H2BC12: variants seen among roughly 807,000 people sequenced by gnomAD.
The protein encoded by H2BC12 is histone H2B type 1-K.
In H2BC12, 6 loss-of-function variants were observed where a neutral mutation model predicts 6.3. The observed-to-expected ratio is 0.95, with a 90% CI of 0.52 to 1.87. The LOEUF (loss-of-function observed/expected upper bound fraction) is 1.87, where lower values mean the gene tolerates loss of function less well. Among genes scored for constraint, H2BC12 ranks in the 40% most tolerant of loss-of-function variants. H2BC12 has a pLI of 0.01. For missense variants in H2BC12, 119 were observed against 178.4 expected (o/e 0.67, Z 1.90); for synonymous variants, 132 against 78.5 (o/e 1.68, Z -3.60).
chr6:27,141,051 A>G, the H2BC12 span, among the ~76,000 whole-genome samples: 33 of 133,208 alleles, frequency 2.5e-4, no homozygotes, highest in East Asian at 6.1e-4. Context: ...AATCTGGGGG[A>G]AAAAAAAAAA....
At chr6:27,145,155 G>A (rs556213362), downstream of H2BC12, among the ~76,000 whole-genome samples, 18 of 152,236 alleles carry the variant, frequency 1.2e-4, no homozygotes, top group Middle Eastern at 3.4e-3. Context: ...ATTACTGGTA[G>A]GATAAATAAG....
chr6:27,146,732 G>A lies in H2BC12; in HGVS notation c.67C>T (p.Gln23Ter), dbSNP rs758848454. 7 of 1,614,142 alleles carry A rather than the reference G, an allele frequency of 4.3e-6. No homozygotes were observed. The highest frequency in any genetic ancestry group is 2.2e-5 in the East Asian group (1 of 44,904). ...TTGCGCTTCTTGCCGTCCTTCTTCT[G>A]CGCCTTAGTCACGGCTTTCTTCGAG... is the stretch of plus-strand genomic sequence containing the variant. The part of the protein sequence containing the change: ...KGSKKAVTKA[Q>*]KKDGKKRKRS... The change falls in exon 1 of 1, where the codon CAG becomes TAG. Residue 23 changes from glutamine (Q) to a stop codon, truncating the protein, a stop_gained. Coordinates refer to ENST00000356950, the MANE Select transcript of H2BC12 (RefSeq NM_001312653.2). LOFTEE classifies it high-confidence loss of function.
downstream of H2BC12, among the ~76,000 whole-genome samples, chr6:27,145,513 A>AT (rs2113651061): frequency 6.6e-6 from 1 of 152,184 alleles, no homozygotes; most frequent in African/African-American, 2.4e-5. Context: ...CCACCACCTA[A>AT]TTCTAACCCA....
At chr6:27,139,391 A>AGGG in the H2BC12 span, 1 of 1,614,238 alleles carries the variant, frequency 6.2e-7, no homozygotes, top group Non-Finnish European at 8.5e-7. Context: ...GACAACATCC[A>AGGG]GGGTATCACC....
At chr6:27,144,947 C>A (rs1327735059), downstream of H2BC12, among the ~76,000 whole-genome samples, 1 of 152,114 alleles carries the variant, frequency 6.6e-6, no homozygotes. Context: ...GCACATGCTA[C>A]CACGCCCCCC....
the H2BC12 span, chr6:27,139,578 G>A: frequency 6.2e-7 from 1 of 1,613,834 alleles, no homozygotes; most frequent in Admixed American, 1.7e-5. Flanking sequence ...TGGTCTACGC[G>A]CTCAAGCGCC....
rs773385481 is a variant in H2BC12 at position 27,146,460 on chromosome 6, G to T, written c.339C>A (p.Ser113=). The T allele has an allele frequency of 1.7e-5, 27 of 1,614,198 alleles. No homozygotes were observed. The highest frequency in any genetic ancestry group is 2.2e-5 in the Non-Finnish European group (26 of 1,180,030). The change falls in exon 1 of 1, where the codon TCC becomes TCA. Residue 113 remains serine (S), a synonymous_variant. Transcript: ENST00000356950. ...ACTTGGTGACGGCCTTGGTGCCCTC[G>T]GACACGGCGTGCTTGGCCAACTCCC... ...LPGELAKHAV[S]EGTKAVTKYT...
rs574690888 is a variant in H2BC12, at chr6:27,146,825, C to T, written c.-27G>A. 37 of 1,607,368 alleles carry T rather than the reference C, an allele frequency of 2.3e-5. No homozygotes were observed. The highest frequency in any genetic ancestry group is 2.8e-5 in the Non-Finnish European group (33 of 1,177,008). On this transcript the variant is annotated 5_prime_UTR_variant, in exon 1 of 1. Coordinates refer to ENST00000356950, the MANE Select transcript of H2BC12 (RefSeq NM_001312653.2). The stretch of plus-strand genomic sequence containing the variant: ...TTGAAGGCGAACTACGAGCCTGAGA[C>T]GAGCAGCAGATCGAGAAAACGGGAA...
At chr6:27,142,403 G>A (rs1760016921), downstream of H2BC12, among the ~76,000 whole-genome samples, 1 of 151,622 alleles carries the variant, frequency 6.6e-6, no homozygotes, top group Non-Finnish European at 1.5e-5. Flanking sequence ...CTCCCAAGTA[G>A]CTGGGATTAC....
rs1055550446 is a variant in H2BC12 at position 27,146,741 on chromosome 6, T to C, written c.58A>G (p.Thr20Ala). ...TTGCCGTCCTTCTTCTGCGCCTTAG[T>C]CACGGCTTTCTTCGAGCCCTTCTTG... The part of the protein sequence containing the change: ...APKKGSKKAV[T>A]KAQKKDGKKR... Residue 20 changes from threonine to alanine, a missense_variant, in exon 1 of 1, where the codon ACT becomes GCT. Coordinates refer to ENST00000356950, the MANE Select transcript of H2BC12 (RefSeq NM_001312653.2). 1 of 1,614,252 alleles carries C rather than the reference T, an allele frequency of 6.2e-7. No homozygotes were observed. Among genetic ancestry groups the C allele is most frequent in the East Asian group, 2.2e-5 (1 of 44,890 alleles).
chr6:27,140,902 TTTG>T, the H2BC12 span, among the ~76,000 whole-genome samples: 2 of 151,294 alleles, frequency 1.3e-5, no homozygotes, highest in African/African-American at 4.8e-5. Context: ...ACCTTGTGGG[TTTG>T]TTTTTAACTG....
At chr6:27,144,575 A>T (rs1760047513), downstream of H2BC12, among the ~76,000 whole-genome samples, 1 of 151,332 alleles carries the variant, frequency 6.6e-6, no homozygotes, top group Admixed American at 6.6e-5. Context: ...ACTTCCACCC[A>T]GTATTTCTAT....
chr6:27,142,936 C>T (rs72843607), downstream of H2BC12, among the ~76,000 whole-genome samples: 1 of 151,960 alleles, frequency 6.6e-6, no homozygotes, highest in East Asian at 1.9e-4. Context: ...CACGTGGCCA[C>T]ATTATATTTC....
the H2BC12 span, chr6:27,138,918 G>A: frequency 1.8e-5 from 3 of 162,766 alleles, no homozygotes; most frequent in Non-Finnish European, 4.0e-5. Context: ...TTTAGCATAT[G>A]GAGTATATTT....
chr6:27,144,103 G>A (rs1156854196), downstream of H2BC12, among the ~76,000 whole-genome samples: 2 of 152,092 alleles, frequency 1.3e-5, no homozygotes, highest in Admixed American at 6.6e-5. Flanking sequence ...AGTAAGCTTT[G>A]CATCCATTTA....
At position 27,146,420 on chromosome 6, in the gene H2BC12, A is replaced by C; in HGVS notation, c.379T>G (p.Ter127GluextTer?). The C allele has an allele frequency of 6.2e-7, 1 of 1,614,218 alleles. No individual in the cohort carries two copies. The highest frequency in any genetic ancestry group is 8.5e-7 in the Non-Finnish European group (1 of 1,180,028). The change falls in exon 1 of 1, where the codon TAA becomes GAA. Residue 127 changes from the stop codon to glutamate, a stop_lost. Coordinates refer to ENST00000356950, the MANE Select transcript of H2BC12 (RefSeq NM_001312653.2). ...TTTAAGACGCTTACTTGGCAAGTTT[A>C]CTTAGCGCTGGTGTACTTGGTGACG... The part of the protein sequence containing the change: ...KAVTKYTSAK[*>E]
In H2BC12 at chr6:27,146,786, C is replaced by T. The variant is rs1760098057; in HGVS notation, c.13G>A (p.Ala5Thr). 6.2e-7 allele frequency: 1 copy of T among 1,614,020 alleles called. No individual in the cohort carries two copies. Among genetic ancestry groups the T allele is most frequent in the Non-Finnish European group, 8.5e-7 (1 of 1,179,968 alleles). Reference sequence around the variant, plus strand: ...TTCTTGGGCGCGGGAGCGGACTTCGCTGGTTCCGGCATGTTGAAGGCGAAC... The same window carrying T: ...TTCTTGGGCGCGGGAGCGGACTTCGTTGGTTCCGGCATGTTGAAGGCGAAC... MPEP[A>T]KSAPAPKKGS... Residue 5 changes from alanine to threonine, a missense_variant, in exon 1 of 1, where the codon GCG becomes ACG. Ala to Thr is a moderately conservative substitution (Grantham distance 58). Transcript: ENST00000356950.
chr6:27,141,142 G>C, the H2BC12 span, among the ~76,000 whole-genome samples: 3 of 152,090 alleles, frequency 2.0e-5, no homozygotes, highest in East Asian at 5.8e-4. Flanking sequence ...TGTAAGAGTA[G>C]CATCAAGAGC....
the H2BC12 span, among the ~76,000 whole-genome samples, chr6:27,138,420 T>C: frequency 6.6e-6 from 1 of 152,198 alleles, no homozygotes; most frequent in African/African-American, 2.4e-5. Context: ...ATGGGTAATG[T>C]AGACAATTCT....
Sources: gnomAD v4.1 joint callset for allele counts (sites outside exome capture counted in the v4.1 genomes callset) on GRCh38, gnomAD v4.1.1 for gene constraint, MANE v1.5 for transcripts, NCBI Gene and HGNC (gene_info 2026-07-23, HGNC 2026-07-21) for gene names.